The following CADPS2 variants were observed in gnomAD, a reference collection of about 807,000 sequenced individuals.
CADPS2 encodes the protein calcium-dependent secretion activator 2.
CADPS2 carries 93 observed loss-of-function variants against 172.5 expected under a neutral mutation model. That is an observed-to-expected ratio of 0.54 (90% CI 0.46 to 0.64). The LOEUF (loss-of-function observed/expected upper bound fraction) is 0.64, where lower values mean the gene tolerates loss of function less well. Among genes scored for constraint, CADPS2 ranks in the 30% least tolerant of loss-of-function variants. The pLI, the probability that CADPS2 is intolerant of heterozygous loss-of-function variation, is 0.00. For missense variants in CADPS2, 1,420 were observed against 1,565.9 expected (o/e 0.91, Z 1.57); for synonymous variants, 546 against 555.2 (o/e 0.98, Z 0.23).
Position 122,379,404 on chromosome 7 carries a change from G to A in CADPS2, c.3351C>T (p.Asn1117=), listed in dbSNP as rs2042732672. 1.2e-5 allele frequency: 20 copies of A among 1,602,742 alleles called. No individual in the cohort carries two copies. The highest frequency in any genetic ancestry group is 1.7e-5 in the Non-Finnish European group (20 of 1,171,642). The change falls in exon 25 of 30, where the codon AAC becomes AAT. Residue 1117 remains asparagine, a synonymous_variant. Coordinates refer to ENST00000449022, the MANE Select transcript of CADPS2 (RefSeq NM_017954.11). ...YHSKIDDLID[N]SVKEIISLLV... ...ACAGTGAAATGATTTCTTTTACACT[G>A]TTGTCGATCAGATCATCTATTTTTG...
intron 6 of CADPS2, among the ~76,000 whole-genome samples, chr7:122,587,303 C>T (rs2069879886): frequency 6.6e-6 from 1 of 151,914 alleles, no homozygotes; most frequent in Non-Finnish European, 1.5e-5. Flanking sequence ...GTGTGTTGTT[C>T]CCCTCCCTAC....
intron 5 of CADPS2, among the ~76,000 whole-genome samples, chr7:122,616,131 T>C (rs1037352440): frequency 6.6e-6 from 1 of 152,114 alleles, no homozygotes; most frequent in African/African-American, 2.4e-5. Context: ...CCATAGCGTT[T>C]TCAATCAAAA....
chr7:122,768,218 G>C (rs895273916), intron 1 of CADPS2, among the ~76,000 whole-genome samples: 1 of 152,076 alleles, frequency 6.6e-6, no homozygotes, highest in Non-Finnish European at 1.5e-5. Flanking sequence ...AGCTGATCTT[G>C]GTGAGCACAC....
At chr7:122,462,522 G>A (rs1305569025) in intron 14 of CADPS2, among the ~76,000 whole-genome samples, 1 of 152,076 alleles carries the variant, frequency 6.6e-6, no homozygotes, top group Non-Finnish European at 1.5e-5. Context: ...ATTAATATGT[G>A]ATTTACTTTT....
intron 4 of CADPS2, among the ~76,000 whole-genome samples, chr7:122,625,047 T>C (rs1044184785): frequency 5.8e-4 from 49 of 84,752 alleles, no homozygotes; most frequent in Admixed American, 3.5e-3. Context: ...AGTATGATGA[T>C]TAATTATTTT....
At chr7:122,351,311 T>C (rs2151034529) in intron 27 of CADPS2, among the ~76,000 whole-genome samples, 1 of 129,826 alleles carries the variant, frequency 7.7e-6, no homozygotes, top group South Asian at 2.5e-4. Context: ...AGGCAGAGCT[T>C]GCAGTGAGCC....
chr7:122,766,930 G>GT (rs1485025976), intron 1 of CADPS2, among the ~76,000 whole-genome samples: 1 of 152,076 alleles, frequency 6.6e-6, no homozygotes, highest in Admixed American at 6.6e-5. Flanking sequence ...AATAACAATA[G>GT]TATCTATTTG....
At chr7:122,393,064 A>AT in intron 22 of CADPS2, 132 bp downstream of exon 22, 1 of 1,091,062 alleles carries the variant, frequency 9.2e-7, no homozygotes, top group Non-Finnish European at 1.3e-6. Context: ...AAAAACTCAA[A>AT]TAAAAAAAAA....
At chr7:122,789,525 C>T (rs1169155988) in intron 1 of CADPS2, among the ~76,000 whole-genome samples, 5 of 152,100 alleles carry the variant, frequency 3.3e-5, no homozygotes, top group Non-Finnish European at 7.4e-5. Flanking sequence ...TACACTCTAA[C>T]CTCAAAACAT....
At chr7:122,845,379 A>C (rs2428903) in intron 1 of CADPS2, among the ~76,000 whole-genome samples, 67,422 of 152,060 alleles carry the variant, frequency 0.44, 17,397 homozygotes, top group African/African-American at 0.72. Flanking sequence ...CAGATAAAAA[A>C]CAACCACAAG....
intron 1 of CADPS2, among the ~76,000 whole-genome samples, chr7:122,746,526 C>A (rs1404434731): frequency 6.6e-6 from 1 of 152,036 alleles, no homozygotes; most frequent in Non-Finnish European, 1.5e-5. Context: ...CAGGGGTGTC[C>A]AATCTTTTGG....
rs183781360 is a variant in CADPS2, at chr7:122,841,616, G to A, written c.339+44383C>T. 1.4e-4 allele frequency among the ~76,000 whole-genome samples: 21 copies of A among 152,232 alleles called. No homozygotes were observed. In the East Asian group the frequency reaches 1.9e-3, roughly 14 times the overall value. On this transcript the variant is annotated intron_variant, in intron 1 of 29. Coordinates refer to ENST00000449022, the MANE Select transcript of CADPS2 (RefSeq NM_017954.11). The stretch of plus-strand genomic sequence containing the variant: ...ATACTAATTTTCCTCAAGCTTTGCC[G>A]CAAGAGTAGGAGAAAACACAAAGCT...
At chr7:122,448,558 G>A (rs1216174439) in intron 15 of CADPS2, among the ~76,000 whole-genome samples, 4 of 152,146 alleles carry the variant, frequency 2.6e-5, no homozygotes, top group Admixed American at 2.0e-4. Context: ...AATACAAAAT[G>A]AATACAATAA....
intron 2 of CADPS2, among the ~76,000 whole-genome samples, chr7:122,673,766 A>C (rs1248176563): frequency 1.3e-5 from 2 of 152,224 alleles, no homozygotes. Context: ...TGGATCCCAC[A>C]CCAGGGCTGC....
At chr7:122,731,263 C>T (rs530519989) in intron 2 of CADPS2, among the ~76,000 whole-genome samples, 12 of 151,142 alleles carry the variant, frequency 7.9e-5, no homozygotes, top group African/African-American at 2.9e-4. Context: ...TTTTAAGAAG[C>T]TCTAGCATCC....
intron 6 of CADPS2, among the ~76,000 whole-genome samples, chr7:122,592,685 TGG>T (rs2071044928): frequency 1.3e-5 from 2 of 152,070 alleles, no homozygotes. Context: ...ATGTCCTTTA[TGG>T]GGACATGGAT....
intron 17 of CADPS2, among the ~76,000 whole-genome samples, chr7:122,431,206 T>C (rs889132846): frequency 1.3e-5 from 2 of 152,240 alleles, no homozygotes; most frequent in African/African-American, 2.4e-5. Flanking sequence ...TGCTATTATG[T>C]AGCTTGATAA....
intron 2 of CADPS2, among the ~76,000 whole-genome samples, chr7:122,707,326 C>T (rs570095977): frequency 2.4e-4 from 36 of 151,848 alleles, no homozygotes; most frequent in East Asian, 5.8e-4. Flanking sequence ...AACTTCCAGG[C>T]GCCAATTAAA....
intron 1 of CADPS2, among the ~76,000 whole-genome samples, chr7:122,789,603 C>T (rs1033001340): frequency 1.3e-5 from 2 of 152,154 alleles, no homozygotes; most frequent in Admixed American, 1.3e-4. Context: ...AACAAAATAA[C>T]CACAATATGT....
Sources: gnomAD v4.1 joint callset for allele counts (sites outside exome capture counted in the v4.1 genomes callset) on GRCh38, gnomAD v4.1.1 for gene constraint, MANE v1.5 for transcripts, NCBI Gene and HGNC (gene_info 2026-07-23, HGNC 2026-07-21) for gene names.